Variants in IGSF11 observed in about 807,000 individuals in gnomAD.
IGSF11 encodes the protein CXADR like 1.
Under a neutral mutation model 41.0 loss-of-function variants are expected in IGSF11, and 22 were observed. The ratio of observed to expected loss-of-function variants is 0.54; its 90% CI spans 0.38 to 0.77. IGSF11 has a LOEUF of 0.77. Ranked by LOEUF, IGSF11 falls within the 30% of genes least tolerant of loss-of-function variation. The pLI, the probability that IGSF11 is intolerant of heterozygous loss-of-function variation, is 0.00. For missense variants in IGSF11, 444 were observed against 530.8 expected (o/e 0.84, Z 1.61); for synonymous variants, 219 against 201.3 (o/e 1.09, Z -0.74).
At chr3:119,021,015 T>C (rs894128523) in intron 1 of IGSF11, among the ~76,000 whole-genome samples, 3 of 152,104 alleles carry the variant, frequency 2.0e-5, no homozygotes, top group Admixed American at 2.0e-4. Flanking sequence ...TGTTAGAAAA[T>C]GAAATAACAT....
chr3:119,093,417 TTAA>T (rs1391144197), intron 1 of IGSF11, among the ~76,000 whole-genome samples: 4 of 152,064 alleles, frequency 2.6e-5, no homozygotes, highest in Non-Finnish European at 5.9e-5. Flanking sequence ...TTTTTTTTTT[TTAA>T]ACCTGACCGT....
intron 1 of IGSF11, among the ~76,000 whole-genome samples, chr3:119,049,476 C>A (rs1191828663): frequency 2.0e-5 from 3 of 152,162 alleles, no homozygotes; most frequent in Non-Finnish European, 4.4e-5. Context: ...GAACTACAAA[C>A]CGCTGTTCAA....
intron 1 of IGSF11, among the ~76,000 whole-genome samples, chr3:119,051,052 C>T (rs1003715573): frequency 4.0e-5 from 6 of 150,936 alleles, no homozygotes; most frequent in African/African-American, 7.3e-5. Flanking sequence ...TGCTAGATGA[C>T]GAGTTAGTGG....
In IGSF11 at chr3:118,946,849, C is replaced by G. The variant is rs1049472014; in HGVS notation, c.53-16574G>C. On this transcript the variant is annotated intron_variant, in intron 1 of 6. Coordinates refer to ENST00000393775, the MANE Select transcript of IGSF11 (RefSeq NM_001015887.3). ...GCACATGGCCGGGCGCAGTGGCTCACGCCTGTAATCCCAGCACTTTGGGAG... is the reference window on the plus strand; with the variant it reads ...GCACATGGCCGGGCGCAGTGGCTCAGGCCTGTAATCCCAGCACTTTGGGAG... Among the ~76,000 whole-genome samples, 2 of 152,192 alleles carry G rather than the reference C, an allele frequency of 1.3e-5. 1 individual carries two copies. The highest frequency in any genetic ancestry group is 4.1e-4 in the South Asian group (2 of 4,832).
intron 1 of IGSF11, among the ~76,000 whole-genome samples, chr3:119,051,009 G>C (rs538540512): frequency 2.1e-5 from 3 of 140,382 alleles, no homozygotes; most frequent in Admixed American, 7.1e-5. Flanking sequence ...GTTGGGGGGA[G>C]GGGGGAGGGA....
At chr3:119,045,212 C>T (rs1941279603) in intron 1 of IGSF11, among the ~76,000 whole-genome samples, 1 of 152,226 alleles carries the variant, frequency 6.6e-6, no homozygotes, top group Admixed American at 6.5e-5. Context: ...TGGGTGATTT[C>T]TGCATTTCCA....
At chr3:119,082,378 C>T (rs1197273823) in intron 1 of IGSF11, among the ~76,000 whole-genome samples, 2 of 152,042 alleles carry the variant, frequency 1.3e-5, no homozygotes, top group Non-Finnish European at 2.9e-5. Flanking sequence ...GGAATATGAT[C>T]AGTTATAAGA....
At chr3:118,956,616 G>C (rs917820996) in intron 1 of IGSF11, among the ~76,000 whole-genome samples, 8 of 152,130 alleles carry the variant, frequency 5.3e-5, no homozygotes, top group African/African-American at 1.9e-4. Flanking sequence ...CATTTGCTAA[G>C]TTTGCCATCT....
intron 1 of IGSF11, among the ~76,000 whole-genome samples, chr3:119,000,674 G>GAA (rs1936731767): frequency 6.6e-6 from 1 of 152,002 alleles, no homozygotes; most frequent in Admixed American, 6.6e-5. Context: ...AATTATTCCA[G>GAA]TAGTGTGTCC....
chr3:118,954,082 G>A (rs190902056), intron 1 of IGSF11, among the ~76,000 whole-genome samples: 6 of 152,164 alleles, frequency 3.9e-5, no homozygotes, highest in Non-Finnish European at 7.4e-5. Context: ...TTTTGTATAA[G>A]GTGAGAGATG....
At chr3:119,127,550 A>G (rs947895686) in intron 1 of IGSF11, among the ~76,000 whole-genome samples, 12 of 152,150 alleles carry the variant, frequency 7.9e-5, no homozygotes, top group Non-Finnish European at 1.6e-4. Flanking sequence ...GGAAATACAG[A>G]GAACACCATT....
At chr3:119,000,275 T>C (rs1936687275) in intron 1 of IGSF11, among the ~76,000 whole-genome samples, 1 of 150,678 alleles carries the variant, frequency 6.6e-6, no homozygotes, top group African/African-American at 2.5e-5. Context: ...TTTCTAATCT[T>C]ATAGCTTTTA....
At chr3:119,124,607 T>C (rs1007309061) in intron 1 of IGSF11, among the ~76,000 whole-genome samples, 2 of 151,372 alleles carry the variant, frequency 1.3e-5, no homozygotes, top group Non-Finnish European at 2.9e-5. Flanking sequence ...TATTTGAAAA[T>C]ATACAGTCAG....
chr3:119,083,803 T>C (rs1240701620), intron 1 of IGSF11, among the ~76,000 whole-genome samples: 1 of 152,184 alleles, frequency 6.6e-6, no homozygotes, highest in East Asian at 1.9e-4. Flanking sequence ...CTAAGGTAAT[T>C]GTTTATGTAT....
Position 118,904,788 on chromosome 3 carries a change from CCTGGG to C in IGSF11, c.709_713del (p.Pro237GlufsTer35). ...TGGCTCCAGCTATTAGTCCAATGTT[CCTGGG>C]CTGGGCTGCAAAATATATTTAAGAT... On this transcript the variant is annotated frameshift_variant, in exon 6 of 7. Transcript: ENST00000393775. LOFTEE classifies it high-confidence loss of function. 6.2e-7 allele frequency: 1 copy of C among 1,605,032 alleles called. No individual in the cohort carries two copies. Among genetic ancestry groups the C allele is most frequent in the Non-Finnish European group, 8.5e-7 (1 of 1,177,304 alleles).
chr3:118,954,503 C>A (rs1944811811), intron 1 of IGSF11, among the ~76,000 whole-genome samples: 1 of 152,100 alleles, frequency 6.6e-6, no homozygotes, highest in Non-Finnish European at 1.5e-5. Flanking sequence ...GAATCAACTT[C>A]TTACAAATTT....
At chr3:119,104,689 A>T (rs984384753) in intron 1 of IGSF11, among the ~76,000 whole-genome samples, 2 of 151,960 alleles carry the variant, frequency 1.3e-5, no homozygotes, top group Admixed American at 1.3e-4. Flanking sequence ...CTGCAACTGA[A>T]CTCCAGCACT....
intron 1 of IGSF11, among the ~76,000 whole-genome samples, chr3:119,000,063 CTTT>C (rs1297321950): frequency 7.1e-5 from 7 of 98,746 alleles, no homozygotes; most frequent in African/African-American, 4.0e-5. Context: ...ATTCATTATT[CTTT>C]TTTTTTTTTT....
At chr3:119,036,887 GA>G (rs201090185), upstream of IGSF11, among the ~76,000 whole-genome samples, 13 of 149,218 alleles carry the variant, frequency 8.7e-5, no homozygotes, top group South Asian at 4.3e-4. Context: ...CCTTTCAATA[GA>G]AAAAAAAAAG....
Sources: gnomAD v4.1 joint callset for allele counts (sites outside exome capture counted in the v4.1 genomes callset) on GRCh38, gnomAD v4.1.1 for gene constraint, MANE v1.5 for transcripts, NCBI Gene and HGNC (gene_info 2026-07-23, HGNC 2026-07-21) for gene names.